The following GRIK4 variants were observed in gnomAD, a reference collection of about 807,000 sequenced individuals.
The protein encoded by GRIK4 is glutamate ionotropic receptor kainate type subunit 4, also known as glutamate receptor ionotropic, kainate 4.
Under a neutral mutation model 104.9 loss-of-function variants are expected in GRIK4, and 40 were observed. The ratio of observed to expected loss-of-function variants is 0.38; its 90% confidence interval spans 0.30 to 0.50. The LOEUF (loss-of-function observed/expected upper bound fraction) is 0.50. Among genes scored for constraint, GRIK4 ranks in the 20% least tolerant of loss-of-function variants. The pLI is 0.93. For synonymous variants in GRIK4, 485 were observed against 524.9 expected, an observed-to-expected ratio of 0.92 and a Z score of 1.04; for missense variants, 1,047 against 1,308.1, an observed-to-expected ratio of 0.80 and a Z score of 3.08.
chr11:120,684,985 C>T (rs1475311957), intron 3 of GRIK4, among the ~76,000 whole-genome samples: 1 of 152,074 alleles, frequency 6.6e-6, no homozygotes, highest in South Asian at 2.1e-4. Context: ...GCATGAGCCA[C>T]CACACCTGGC....
chr11:120,963,680 C>T (rs551671212), intron 18 of GRIK4, among the ~76,000 whole-genome samples: 1 of 152,274 alleles, frequency 6.6e-6, no homozygotes, highest in Non-Finnish European at 1.5e-5. Flanking sequence ...TACCTTAGCT[C>T]AAAACTCTGT....
At chr11:120,685,244 G>A (rs566798849) in intron 3 of GRIK4, among the ~76,000 whole-genome samples, 2 of 152,268 alleles carry the variant, frequency 1.3e-5, no homozygotes, top group Non-Finnish European at 2.9e-5. Flanking sequence ...ATGACCCTCA[G>A]ACCAGCAGCA....
intron 3 of GRIK4, among the ~76,000 whole-genome samples, chr11:120,703,922 C>T (rs1950590980): frequency 6.6e-6 from 1 of 152,138 alleles, no homozygotes. Flanking sequence ...AAGAATGATG[C>T]TTACAAAATT....
At chr11:120,915,696 A>T (rs991745540) in intron 13 of GRIK4, among the ~76,000 whole-genome samples, 3 of 152,042 alleles carry the variant, frequency 2.0e-5, no homozygotes, top group Admixed American at 2.0e-4. Context: ...CCTTGCTCAC[A>T]TGTCTTCCTA....
intron 6 of GRIK4, among the ~76,000 whole-genome samples, chr11:120,829,458 G>A (rs1390030980): frequency 5.3e-5 from 8 of 152,154 alleles, no homozygotes; most frequent in Non-Finnish European, 1.0e-4. Flanking sequence ...TGCGAGTGCC[G>A]GGACCCTAAA....
At chr11:120,723,516 C>A (rs1478493339) in intron 3 of GRIK4, among the ~76,000 whole-genome samples, 1 of 152,176 alleles carries the variant, frequency 6.6e-6, no homozygotes, top group Non-Finnish European at 1.5e-5. Flanking sequence ...AGGTCAAGAC[C>A]CACAATTAGG....
chr11:120,810,014 A>G (rs1952797809), intron 4 of GRIK4, among the ~76,000 whole-genome samples: 1 of 152,226 alleles, frequency 6.6e-6, no homozygotes, highest in African/African-American at 2.4e-5. Flanking sequence ...GCAGTGAGCT[A>G]TGATTGCTCC....
intron 5 of GRIK4, among the ~76,000 whole-genome samples, chr11:120,816,464 G>A (rs1278511822): frequency 6.6e-6 from 1 of 152,160 alleles, no homozygotes; most frequent in East Asian, 1.9e-4. Flanking sequence ...CTAGAGGCCT[G>A]GAGGCTCAGC....
chr11:120,528,512 TC>T (rs1366039461), intron 1 of GRIK4, among the ~76,000 whole-genome samples: 5 of 152,226 alleles, frequency 3.3e-5, no homozygotes, highest in Admixed American at 1.3e-4. Flanking sequence ...GACCCTTCTT[TC>T]CTCTGAGCCT....
chr11:120,883,464 G>A (rs1252638530), intron 11 of GRIK4, among the ~76,000 whole-genome samples: 1 of 152,144 alleles, frequency 6.6e-6, no homozygotes, highest in Non-Finnish European at 1.5e-5. Flanking sequence ...TTCACTAAAA[G>A]GCTCTGAAAT....
chr11:120,776,066 A>G (rs1343698792), intron 3 of GRIK4, among the ~76,000 whole-genome samples: 2 of 152,212 alleles, frequency 1.3e-5, no homozygotes, highest in African/African-American at 2.4e-5. Context: ...TGTTAATAAC[A>G]CTTAATAAAT....
chr11:120,702,144 T>C (rs921457741), intron 3 of GRIK4, among the ~76,000 whole-genome samples: 1 of 152,032 alleles, frequency 6.6e-6, no homozygotes, highest in African/African-American at 2.4e-5. Context: ...TTAGTAGAGA[T>C]GGGGTTTCAC....
intron 1 of GRIK4, among the ~76,000 whole-genome samples, chr11:120,575,385 G>A (rs1478334000): frequency 2.0e-5 from 3 of 152,166 alleles, no homozygotes; most frequent in African/African-American, 7.2e-5. Context: ...GCTCTTCATG[G>A]AACTTGTCTG....
At chr11:120,843,599 G>T (rs762867273) in intron 8 of GRIK4, among the ~76,000 whole-genome samples, 6 of 152,210 alleles carry the variant, frequency 3.9e-5, no homozygotes, top group African/African-American at 7.2e-5. Context: ...GACAACTCTA[G>T]CAGGAGACAC....
At chr11:120,660,548 G>A in intron 3 of GRIK4, 148 bp downstream of exon 3, 1 of 630,918 alleles carries the variant, frequency 1.6e-6, no homozygotes, top group South Asian at 1.9e-5. Context: ...CATGCAGGTG[G>A]TGGTGGTGGA....
At position 120,745,310 on chromosome 11, in the gene GRIK4, A is replaced by G. The variant is rs541008984; in HGVS notation, c.83-57383A>G. On this transcript the variant is annotated intron_variant, in intron 3 of 20. Transcript: ENST00000527524. Reference sequence around the variant, plus strand: ...GTGAACATTCCTCTGGCTTTTTTCTATTTATACTAAATCTATAAATTTTTT... The same window carrying G: ...GTGAACATTCCTCTGGCTTTTTTCTGTTTATACTAAATCTATAAATTTTTT... Among the ~76,000 whole-genome samples, 4 of 152,268 alleles carry G rather than the reference A, an allele frequency of 2.6e-5. No homozygotes were observed. In the South Asian group the frequency reaches 6.2e-4, roughly 24 times the overall value.
chr11:120,958,474 C>T (rs1288505884), intron 16 of GRIK4, among the ~76,000 whole-genome samples: 3 of 152,242 alleles, frequency 2.0e-5, no homozygotes, highest in Non-Finnish European at 2.9e-5. Context: ...TAAATCAGGG[C>T]CTCGGTTTGG....
chr11:120,875,907 C>G (rs762747967), intron 11 of GRIK4, among the ~76,000 whole-genome samples: 2 of 152,116 alleles, frequency 1.3e-5, no homozygotes, highest in African/African-American at 4.8e-5. Context: ...ATCTCCCACC[C>G]TCGCCATCAC....
chr11:120,920,592 G>A (rs1369407598), intron 13 of GRIK4, among the ~76,000 whole-genome samples: 1 of 152,108 alleles, frequency 6.6e-6, no homozygotes, highest in Non-Finnish European at 1.5e-5. Context: ...TATATGCGCT[G>A]TTCCAACCTA....
Sources: gnomAD v4.1 joint callset for allele counts (sites outside exome capture counted in the v4.1 genomes callset) on GRCh38, gnomAD v4.1.1 for gene constraint, MANE v1.5 for transcripts, NCBI Gene and HGNC (gene_info 2026-07-23, HGNC 2026-07-21) for gene names.